CREB3L2: variants seen among roughly 807,000 people sequenced by gnomAD.
CREB3L2 encodes cAMP responsive element binding protein 3 like 2.
Under a neutral mutation model 57.2 loss-of-function variants are expected in CREB3L2, and 23 were observed. That is an observed-to-expected ratio of 0.40 (90% CI 0.29 to 0.57). CREB3L2 has a LOEUF of 0.57. CREB3L2 is among the 20% of genes least tolerant of loss of function. The pLI is 0.42. For missense variants in CREB3L2, 628 were observed against 634.7 expected (o/e 0.99, Z 0.11); for synonymous variants, 268 against 265.1 (o/e 1.01, Z -0.11).
chr7:137,878,347 T>G lies in CREB3L2; in HGVS notation c.*2129A>C, dbSNP rs1461044578. The G allele has an allele frequency of 8.6e-6, 2 of 233,060 alleles. No homozygotes were observed. Among genetic ancestry groups the G allele is most frequent in the Non-Finnish European group, 1.7e-5 (2 of 117,922 alleles). 14.4% of individuals were successfully genotyped at this position (233,060 alleles called of 1,614,324 possible). On this transcript the variant is annotated 3_prime_UTR_variant, in exon 12 of 12. Transcript: ENST00000330387. Reference sequence around the variant, plus strand: ...CTGCCCCTAAATTTGAAACCTTTCCTTCCTCATTGCCCAAATGCTACTTGA... The same window carrying G: ...CTGCCCCTAAATTTGAAACCTTTCCGTCCTCATTGCCCAAATGCTACTTGA...
chr7:137,971,394 G>A (rs1296995730), intron 1 of CREB3L2, among the ~76,000 whole-genome samples: 1 of 151,276 alleles, frequency 6.6e-6, no homozygotes, highest in Non-Finnish European at 1.5e-5. Context: ...AGCTTGCAGT[G>A]AGCCGAGATC....
intron 2 of CREB3L2, among the ~76,000 whole-genome samples, chr7:137,921,613 A>G (rs73729522): frequency 0.021 from 3,209 of 152,308 alleles, 31 homozygotes; most frequent in African/African-American, 0.038. Context: ...ACTGATTGCT[A>G]AGAAAGAAAA....
intron 1 of CREB3L2, among the ~76,000 whole-genome samples, chr7:137,939,233 C>A (rs545766510): frequency 1.3e-3 from 202 of 152,266 alleles, no homozygotes; most frequent in African/African-American, 4.5e-3. Context: ...CACTTGCACA[C>A]CATGACTGTA....
chr7:137,972,720 TATATATATATATATATAGAG>T (rs1563270173), intron 1 of CREB3L2, among the ~76,000 whole-genome samples: 1 of 30,296 alleles, frequency 3.3e-5, no homozygotes, highest in African/African-American at 1.6e-4. Flanking sequence ...AAAATATATA[TATATATATATATATATAGAG>T]AGAGAGAGAG....
At chr7:137,986,847 G>A (rs1303168185) in intron 1 of CREB3L2, among the ~76,000 whole-genome samples, 1 of 152,240 alleles carries the variant, frequency 6.6e-6, no homozygotes, top group Non-Finnish European at 1.5e-5. Context: ...GAAACCAAAT[G>A]GTTTTTTGGC....
chr7:137,902,566 C>T (rs967711023), intron 7 of CREB3L2, among the ~76,000 whole-genome samples: 5 of 152,122 alleles, frequency 3.3e-5, no homozygotes, highest in East Asian at 1.9e-4. Flanking sequence ...CTACAGTCTT[C>T]CCACGGTATT....
intron 1 of CREB3L2, among the ~76,000 whole-genome samples, chr7:137,964,599 G>A (rs1413530458): frequency 6.6e-6 from 1 of 152,220 alleles, no homozygotes; most frequent in Non-Finnish European, 1.5e-5. Flanking sequence ...CAAAGATGGG[G>A]AGGGAACAAG....
At chr7:137,945,177 G>A (rs897935218) in intron 1 of CREB3L2, among the ~76,000 whole-genome samples, 3 of 152,368 alleles carry the variant, frequency 2.0e-5, no homozygotes, top group African/African-American at 4.8e-5. Flanking sequence ...TTACAGGCGT[G>A]AGCCACCACG....
At chr7:137,896,308 T>C (rs2117191406) in intron 8 of CREB3L2, among the ~76,000 whole-genome samples, 4 of 152,330 alleles carry the variant, frequency 2.6e-5, no homozygotes, top group Middle Eastern at 6.8e-3. Context: ...CTGGTTTTGT[T>C]TGTTTGTTTT....
At chr7:137,922,408 A>G (rs1290351371) in intron 2 of CREB3L2, among the ~76,000 whole-genome samples, 2,761 of 28,980 alleles carry the variant, frequency 0.095, 282 homozygotes, top group African/African-American at 0.3. Flanking sequence ...ATATATATAT[A>G]TATATATGTA....
At chr7:137,996,485 T>C (rs1317029772) in intron 1 of CREB3L2, among the ~76,000 whole-genome samples, 1 of 152,228 alleles carries the variant, frequency 6.6e-6, no homozygotes, top group Non-Finnish European at 1.5e-5. Context: ...TCTCAGCCAA[T>C]GAGGACCCGG....
At chr7:137,973,407 G>A (rs543623639) in intron 1 of CREB3L2, among the ~76,000 whole-genome samples, 11 of 151,942 alleles carry the variant, frequency 7.2e-5, no homozygotes, top group South Asian at 2.1e-4. Context: ...CCCAGACAGC[G>A]GCCCACCGGC....
intron 1 of CREB3L2, among the ~76,000 whole-genome samples, chr7:137,988,895 A>G (rs1020612153): frequency 6.7e-6 from 1 of 149,718 alleles, no homozygotes; most frequent in Middle Eastern, 3.4e-3. Context: ...GGAGTTCAAG[A>G]TCAGCCTGGG....
chr7:137,901,145 T>C (rs1799746087), intron 8 of CREB3L2, among the ~76,000 whole-genome samples: 1 of 152,136 alleles, frequency 6.6e-6, no homozygotes, highest in Non-Finnish European at 1.5e-5. Flanking sequence ...GCATATGTGT[T>C]TGTATATGTG....
intron 1 of CREB3L2, among the ~76,000 whole-genome samples, chr7:137,935,426 G>A (rs1800758487): frequency 1.3e-5 from 2 of 152,288 alleles, no homozygotes; most frequent in African/African-American, 4.8e-5. Flanking sequence ...CTTTTAGAAA[G>A]TCATCCCTAG....
At chr7:137,977,529 T>C (rs943290088) in intron 1 of CREB3L2, among the ~76,000 whole-genome samples, 3 of 152,168 alleles carry the variant, frequency 2.0e-5, no homozygotes, top group Non-Finnish European at 4.4e-5. Context: ...CAAAAAACCT[T>C]GAAAATTAAT....
chr7:137,974,877 T>G lies in CREB3L2; in HGVS notation c.102+26727A>C, dbSNP rs919638598. On this transcript the variant is annotated intron_variant, in intron 1 of 11. Transcript: ENST00000330387. ...GAAAGGTGAGGAACCTTTGAGATAG[T>G]CCAGTGGAGAGACAAGCTGGCAACT... 3.3e-5 allele frequency among the ~76,000 whole-genome samples: 5 copies of G among 152,222 alleles called. No individual in the cohort carries two copies. In the South Asian group the frequency reaches 1.0e-3, roughly 32 times the overall value.
chr7:137,915,132 C>T (rs1800099416), intron 3 of CREB3L2, among the ~76,000 whole-genome samples: 1 of 152,112 alleles, frequency 6.6e-6, no homozygotes, highest in South Asian at 2.1e-4. Context: ...CTAAGACAGG[C>T]TTCCAACACT....
At chr7:137,881,157 A>C (rs1585584845) in intron 11 of CREB3L2, among the ~76,000 whole-genome samples, 1 of 152,182 alleles carries the variant, frequency 6.6e-6, no homozygotes, top group African/African-American at 2.4e-5. Context: ...AGAGCCAAGT[A>C]AGAAGGCACT....
Sources: gnomAD v4.1 joint callset for allele counts (sites outside exome capture counted in the v4.1 genomes callset) on GRCh38, gnomAD v4.1.1 for gene constraint, MANE v1.5 for transcripts, NCBI Gene and HGNC (gene_info 2026-07-23, HGNC 2026-07-21) for gene names.